The following ARID4B variants were observed in gnomAD, a reference collection of about 807,000 sequenced individuals.
ARID4B encodes AT-rich interaction domain 4B.
In ARID4B, 26 loss-of-function variants were observed where a neutral mutation model predicts 147.5. The ratio of observed to expected loss-of-function variants is 0.18; its 90% CI spans 0.13 to 0.24. ARID4B has a LOEUF of 0.24. Among genes scored for constraint, ARID4B ranks in the 10% least tolerant of loss-of-function variants. ARID4B has a pLI of 1.00. For synonymous variants in ARID4B, 512 were observed against 507.9 expected (o/e 1.01, Z -0.11); for missense variants, 1,179 against 1,511.5 (o/e 0.78, Z 3.65).
intron 19 of ARID4B, among the ~76,000 whole-genome samples, chr1:235,183,024 T>C (rs1453937597): frequency 3.3e-5 from 5 of 152,186 alleles, no homozygotes; most frequent in Admixed American, 3.3e-4. Flanking sequence ...TGTATACTTT[T>C]GTCAAAACCC....
intron 5 of ARID4B, among the ~76,000 whole-genome samples, chr1:235,255,238 G>A (rs1368903730): frequency 9.5e-6 from 1 of 105,734 alleles, no homozygotes; most frequent in Non-Finnish European, 2.1e-5. Context: ...TAGATAGATA[G>A]ATAGATAGAT....
intron 2 of ARID4B, among the ~76,000 whole-genome samples, chr1:235,266,184 C>A (rs1481712833): frequency 6.6e-6 from 1 of 152,094 alleles, no homozygotes; most frequent in Non-Finnish European, 1.5e-5. Context: ...CCTTAGTGTA[C>A]CAAGATTGCA....
At chr1:235,261,751 T>TA (rs1383240927) in intron 2 of ARID4B, among the ~76,000 whole-genome samples, 2 of 152,210 alleles carry the variant, frequency 1.3e-5, no homozygotes, top group Admixed American at 6.5e-5. Context: ...TAGCTGCTCT[T>TA]ACGTTTTACA....
chr1:235,288,008 T>C (rs932935904), intron 2 of ARID4B, among the ~76,000 whole-genome samples: 3 of 152,164 alleles, frequency 2.0e-5, no homozygotes, highest in African/African-American at 7.2e-5. Flanking sequence ...CTTGTAAAAA[T>C]AATAAAACAT....
intron 2 of ARID4B, among the ~76,000 whole-genome samples, chr1:235,316,306 G>C (rs751407572): frequency 6.6e-6 from 1 of 151,794 alleles, no homozygotes; most frequent in East Asian, 1.9e-4. Flanking sequence ...TCAGGAGTTC[G>C]AGACCAGCCT....
intron 6 of ARID4B, among the ~76,000 whole-genome samples, chr1:235,247,006 CTCTGCAAACATTT>C (rs1453066227): frequency 6.6e-6 from 1 of 152,138 alleles, no homozygotes; most frequent in Admixed American, 6.5e-5. Context: ...TATATTACTA[CTCTGCAAACATTT>C]TCTGCAATAA....
chr1:235,264,466 C>A (rs1234536057), intron 2 of ARID4B, among the ~76,000 whole-genome samples: 2 of 152,122 alleles, frequency 1.3e-5, no homozygotes, highest in African/African-American at 2.4e-5. Flanking sequence ...ATAGAGCAGA[C>A]TGATTAATAG....
At chr1:235,245,864 TTAAG>T (rs1169583940) in intron 7 of ARID4B, among the ~76,000 whole-genome samples, 2 of 152,100 alleles carry the variant, frequency 1.3e-5, no homozygotes, top group African/African-American at 4.8e-5. Flanking sequence ...TATGAAAAGA[TTAAG>T]TAACCATCCC....
At chr1:235,247,196 G>C (rs1404685904) in intron 6 of ARID4B, among the ~76,000 whole-genome samples, 2 of 151,900 alleles carry the variant, frequency 1.3e-5, no homozygotes, top group Non-Finnish European at 1.5e-5. Flanking sequence ...ACAAACATCA[G>C]AGCAACTAGA....
chr1:235,326,835 C>A, intron 2 of ARID4B, 79 bp downstream of exon 2: 6 of 1,564,990 alleles, frequency 3.8e-6, no homozygotes, highest in Non-Finnish European at 5.3e-6. Context: ...CTCGGAAGCC[C>A]CACACGACGA....
intron 2 of ARID4B, among the ~76,000 whole-genome samples, chr1:235,308,081 T>A (rs1434070160): frequency 2.1e-5 from 3 of 139,776 alleles, no homozygotes; most frequent in African/African-American, 8.0e-5. Context: ...TGATTTCTTC[T>A]AATTTTTTTT....
chr1:235,220,064 C>A, intron 15 of ARID4B, 96 bp from the exon 16 acceptor site: 1 of 866,308 alleles, frequency 1.2e-6, no homozygotes, highest in Non-Finnish European at 1.6e-6. Flanking sequence ...TCAACCAATT[C>A]TAATATTAAA....
At chr1:235,300,554 G>A (rs1673047257) in intron 2 of ARID4B, among the ~76,000 whole-genome samples, 1 of 152,096 alleles carries the variant, frequency 6.6e-6, no homozygotes, top group South Asian at 2.1e-4. Flanking sequence ...CTATCATGAA[G>A]ATTAAATGAG....
At chr1:235,280,482 G>A (rs1671595092) in intron 2 of ARID4B, among the ~76,000 whole-genome samples, 1 of 152,230 alleles carries the variant, frequency 6.6e-6, no homozygotes, top group African/African-American at 2.4e-5. Flanking sequence ...CAAAGAAATA[G>A]TCATGATCTC....
intron 11 of ARID4B, among the ~76,000 whole-genome samples, chr1:235,227,539 CAATT>C (rs1667904509): frequency 6.6e-6 from 1 of 152,118 alleles, no homozygotes; most frequent in Non-Finnish European, 1.5e-5. Context: ...ACATACTGAC[CAATT>C]AATTTACTAA....
chr1:235,233,157 A>C (rs1236578552), intron 9 of ARID4B, among the ~76,000 whole-genome samples: 3 of 152,086 alleles, frequency 2.0e-5, no homozygotes, highest in African/African-American at 7.2e-5. Flanking sequence ...TTTTGAAGCT[A>C]ACTTTTCAGA....
At chr1:235,219,617 A>G (rs182223608) in intron 16 of ARID4B, among the ~76,000 whole-genome samples, 176 bp downstream of exon 16, 15 of 152,336 alleles carry the variant, frequency 9.8e-5, no homozygotes, top group African/African-American at 2.6e-4. Context: ...TTCTCTACAA[A>G]TTTCTATCAG....
In ARID4B at chr1:235,170,301, G is replaced by A. The variant is rs553500743; in HGVS notation, c.3812-1649C>T. Among the ~76,000 whole-genome samples the A allele has an allele frequency of 2.0e-5, 3 of 152,264 alleles. No individual in the cohort carries two copies. In the East Asian group the frequency reaches 5.8e-4, roughly 29 times the overall value. ...GGCAGAGATAAGTAGTTTCTACAGA[G>A]ACCACATGGCCCACAAAGCCTAACA... On this transcript the variant is annotated intron_variant, in intron 23 of 23. Coordinates refer to ENST00000264183, the MANE Select transcript of ARID4B (RefSeq NM_016374.6).
chr1:235,283,822 G>A (rs1024800023), intron 2 of ARID4B, among the ~76,000 whole-genome samples: 1 of 152,026 alleles, frequency 6.6e-6, no homozygotes, highest in Non-Finnish European at 1.5e-5. Flanking sequence ...TGCAACCTCC[G>A]CCTCCCAGTT....
Sources: allele counts gnomAD v4.1 joint callset (sites outside exome capture counted in the v4.1 genomes callset), GRCh38; gene constraint gnomAD v4.1.1; transcripts MANE v1.5; gene names NCBI Gene and HGNC (gene_info 2026-07-23, HGNC 2026-07-21).